The following MYCBP2 variants were observed in gnomAD, a reference collection of about 807,000 sequenced individuals.
MYCBP2 encodes MYC binding protein 2, also known as E3 ubiquitin-protein ligase MYCBP2.
A neutral mutation model predicts 525.3 loss-of-function variants in MYCBP2; 120 were observed. The ratio of observed to expected loss-of-function variants is 0.23; its 90% confidence interval spans 0.20 to 0.27. The LOEUF is 0.27. Ranked by LOEUF, MYCBP2 falls within the 10% of genes least tolerant of loss-of-function variation. The pLI, the probability that MYCBP2 is intolerant of heterozygous loss-of-function variation, is 1.00. For synonymous variants in MYCBP2, 1,894 were observed against 1,955.8 expected (o/e 0.97, Z 0.83); for missense variants, 4,149 against 5,657.1 (o/e 0.73, Z 8.55).
At chr13:77,261,859 A>T (rs1388019824) in intron 11 of MYCBP2, among the ~76,000 whole-genome samples, 194 bp downstream of exon 11, 1 of 152,114 alleles carries the variant, frequency 6.6e-6, no homozygotes, top group East Asian at 1.9e-4. Flanking sequence ...TAACAAAACT[A>T]AGCACAATAA....
chr13:77,255,463 AAG>A (rs542753419), intron 14 of MYCBP2, among the ~76,000 whole-genome samples: 210 of 151,974 alleles, frequency 1.4e-3, no homozygotes, highest in Non-Finnish European at 2.7e-3. Flanking sequence ...CAATTTTCAC[AAG>A]AGTTTCAGAA....
chr13:77,045,699 A>G (rs2035417375), intron 82 of MYCBP2, among the ~76,000 whole-genome samples: 1 of 152,210 alleles, frequency 6.6e-6, no homozygotes, highest in South Asian at 2.1e-4. Context: ...GTACAATGGA[A>G]GAAGTGATGG....
At chr13:77,186,999 G>A (rs2060791806) in intron 30 of MYCBP2, among the ~76,000 whole-genome samples, 1 of 151,632 alleles carries the variant, frequency 6.6e-6, no homozygotes, top group Admixed American at 6.6e-5. Flanking sequence ...TTTTTAGATG[G>A]GGGTTTCACT....
chr13:77,089,003 C>A lies in MYCBP2; in HGVS notation c.10554G>T (p.Pro3518=), dbSNP rs34700794. 2 of 1,612,282 alleles carry A rather than the reference C, an allele frequency of 1.2e-6. No homozygotes were observed. Among genetic ancestry groups the A allele is most frequent in the African/African-American group, 2.7e-5 (2 of 74,894 alleles). ...AGATTAGCCGAGAAAGCTCAGGAGACGGATGTCTCAAAAGGGAAGAACCAA... is the reference window on the plus strand; with the variant it reads ...AGATTAGCCGAGAAAGCTCAGGAGAAGGATGTCTCAAAAGGGAAGAACCAA... ...TEVGSSLLRH[P]SPELSRLISA... The change falls in exon 61 of 83, where the codon CCG becomes CCT. Residue 3518 remains proline, a synonymous_variant. Coordinates refer to ENST00000544440, the MANE Select transcript of MYCBP2 (RefSeq NM_015057.5).
chr13:77,261,913 T>C (rs948107093), intron 11 of MYCBP2, 140 bp downstream of exon 11: 4 of 656,508 alleles, frequency 6.1e-6, no homozygotes, highest in African/African-American at 5.5e-5. Flanking sequence ...TAAAATTTTA[T>C]CTTATAAAAA....
At chr13:77,270,246 ATTATGG>A (rs1312169989) in intron 6 of MYCBP2, 44 bp downstream of exon 6, 1 of 1,547,978 alleles carries the variant, frequency 6.5e-7, no homozygotes, top group South Asian at 1.3e-5. Flanking sequence ...AACACAATTC[ATTATGG>A]TTATAACTCT....
rs758347343 is a variant in MYCBP2 at position 77,177,310 on chromosome 13, AT to A, written c.5340+437del. Among the ~76,000 whole-genome samples the A allele has an allele frequency of 9.7e-4, 144 of 148,258 alleles. 1 individual carries two copies. Among genetic ancestry groups the A allele is most frequent in the Non-Finnish European group, 5.1e-4 (34 of 66,942 alleles). On this transcript the variant is annotated intron_variant, in intron 35 of 82. Coordinates refer to ENST00000544440, the MANE Select transcript of MYCBP2 (RefSeq NM_015057.5). ...GGAACACAAACAATCAGGTAAAATCATTATTTTTCAATTTCTTTTCTTTCTT... is the reference window on the plus strand; with the variant it reads ...GGAACACAAACAATCAGGTAAAATCATATTTTTCAATTTCTTTTCTTTCTT...
At chr13:77,068,955 T>A in intron 69 of MYCBP2, 124 bp from the exon 70 acceptor site, 1 of 914,798 alleles carries the variant, frequency 1.1e-6, no homozygotes, top group South Asian at 1.7e-5. Flanking sequence ...AATACTATTC[T>A]CCCAGTTAAT....
intron 29 of MYCBP2, among the ~76,000 whole-genome samples, 163 bp from the exon 30 acceptor site, chr13:77,189,210 A>G: frequency 6.6e-6 from 1 of 152,140 alleles, no homozygotes; most frequent in Non-Finnish European, 1.5e-5. Context: ...TTTCCAAGCT[A>G]AACAAAGTTT....
At chr13:77,253,798 A>G (rs1260495800) in intron 14 of MYCBP2, among the ~76,000 whole-genome samples, 1 of 152,032 alleles carries the variant, frequency 6.6e-6, no homozygotes, top group Non-Finnish European at 1.5e-5. Context: ...TGTCAATATC[A>G]GATGTGATGT....
chr13:77,148,002 CA>C (rs923053351), intron 47 of MYCBP2, among the ~76,000 whole-genome samples: 10 of 151,914 alleles, frequency 6.6e-5, no homozygotes, highest in African/African-American at 2.4e-4. Flanking sequence ...ACAAAATTTG[CA>C]AAAGAAATTA....
chr13:77,140,959 G>C lies in MYCBP2; in HGVS notation c.7304-16C>G. The C allele has an allele frequency of 1.3e-6, 2 of 1,558,384 alleles. No homozygotes were observed. Among genetic ancestry groups the C allele is most frequent in the South Asian group, 2.3e-5 (2 of 86,440 alleles). Reference sequence around the variant, plus strand: ...AGACCAGCATCTGTCAGAAAAATCAGAGAACTGTAACATTTGAGAAAAAAA... The same window carrying C: ...AGACCAGCATCTGTCAGAAAAATCACAGAACTGTAACATTTGAGAAAAAAA... On this transcript the variant is annotated splice_polypyrimidine_tract_variant and intron_variant, in intron 49 of 82. Transcript: ENST00000544440.
intron 52 of MYCBP2, among the ~76,000 whole-genome samples, chr13:77,136,862 C>T (rs1015282401): frequency 1.3e-5 from 2 of 152,168 alleles, no homozygotes; most frequent in African/African-American, 4.8e-5. Flanking sequence ...CTCTAAGGTG[C>T]CCTTAATTCC....
intron 55 of MYCBP2, among the ~76,000 whole-genome samples, chr13:77,112,067 A>C (rs1026046426): frequency 2.6e-5 from 4 of 152,062 alleles, no homozygotes; most frequent in Admixed American, 6.6e-5. Context: ...AATATTTGAC[A>C]TATGTTAGCT....
chr13:77,103,259 C>A (rs1454612672), intron 55 of MYCBP2: 1 of 397,694 alleles, frequency 2.5e-6, no homozygotes, highest in African/African-American at 2.1e-5. Context: ...CCCAGCTACA[C>A]CATAATTTTT....
chr13:77,313,946 A>G (rs2080591168), intron 1 of MYCBP2, among the ~76,000 whole-genome samples: 1 of 152,170 alleles, frequency 6.6e-6, no homozygotes, highest in African/African-American at 2.4e-5. Flanking sequence ...TGAAAAAAAA[A>G]AACGAGATTC....
At chr13:77,068,541 A>G (rs540167690) in intron 70 of MYCBP2, 24 bp downstream of exon 70, 1 of 1,597,136 alleles carries the variant, frequency 6.3e-7, no homozygotes, top group South Asian at 1.1e-5. Context: ...AAAGCAATGG[A>G]AAGGCTGTAG....
intron 49 of MYCBP2, 61 bp from the exon 50 acceptor site, chr13:77,141,004 C>T: frequency 8.2e-7 from 1 of 1,223,828 alleles, no homozygotes; most frequent in African/African-American, 1.5e-5. Context: ...GATCCTTAAA[C>T]CTAATCTTAT....
intron 55 of MYCBP2, among the ~76,000 whole-genome samples, chr13:77,121,038 C>T (rs550246111): frequency 2.5e-4 from 38 of 152,062 alleles, no homozygotes; most frequent in African/African-American, 9.2e-4. Flanking sequence ...ATTAACATTA[C>T]CATCCTAATA....
Sources: allele counts gnomAD v4.1 joint callset (sites outside exome capture counted in the v4.1 genomes callset), GRCh38; gene constraint gnomAD v4.1.1; transcripts MANE v1.5; gene names NCBI Gene and HGNC (gene_info 2026-07-23, HGNC 2026-07-21).